The following LMO7 variants were observed in gnomAD, a reference collection of about 807,000 sequenced individuals.
LMO7 encodes the protein LIM domain only protein 7.
LMO7 carries 120 observed loss-of-function variants against 206.5 expected under a neutral mutation model. That is an observed-to-expected ratio of 0.58 (90% confidence interval 0.50 to 0.68). The LOEUF (loss-of-function observed/expected upper bound fraction) is 0.68, where lower values mean the gene tolerates loss of function less well. LMO7 is among the 30% of genes least tolerant of loss of function. LMO7 has a pLI of 0.00. For synonymous variants in LMO7, 706 were observed against 681.5 expected, an observed-to-expected ratio of 1.04 and a Z score of -0.56; for missense variants, 1,959 against 1,957.9, an observed-to-expected ratio of 1.00 and a Z score of -0.01.
chr13:75,641,255 C>T (rs949112362), intron 1 of LMO7, among the ~76,000 whole-genome samples: 1 of 152,214 alleles, frequency 6.6e-6, no homozygotes, highest in Non-Finnish European at 1.5e-5. Context: ...TGGGGTTAAC[C>T]CATCTGCCCA....
intron 2 of LMO7, 104 bp downstream of exon 2, chr13:75,713,356 T>G: frequency 1.4e-6 from 1 of 698,400 alleles, no homozygotes. Context: ...GTCACAGATA[T>G]GTGTTCTTGG....
intron 1 of LMO7, among the ~76,000 whole-genome samples, chr13:75,679,370 A>G (rs1209026863): frequency 1.3e-5 from 2 of 152,222 alleles, no homozygotes; most frequent in African/African-American, 4.8e-5. Flanking sequence ...GAAGGTGCCT[A>G]TACTTCTGTC....
rs1191249152 is a variant in LMO7, at chr13:75,819,531, G to T, written c.2203G>T (p.Asp735Tyr). 1 of 1,591,600 alleles carries T rather than the reference G, an allele frequency of 6.3e-7. No individual in the cohort carries two copies. The highest frequency in any genetic ancestry group is 1.9e-5 in the Admixed American group (1 of 53,428). Residue 735 changes from aspartate to tyrosine, a missense_variant, in exon 13 of 31, where the codon GAC (aspartate) becomes TAC (tyrosine). Physicochemically the swap from Asp to Tyr is radical, Grantham distance 160. Transcript: ENST00000377534. Reference sequence around the variant, plus strand: ...TAAGACGTTTAAGGAAATGCTGCAGGACAGGTAATAATGCTGAATGCACCT... The same window carrying T: ...TAAGACGTTTAAGGAAATGCTGCAGTACAGGTAATAATGCTGAATGCACCT... ...SSKTFKEMLQ[D>Y]RESQNQKSTV...
chr13:75,633,934 G>A (rs1302591973), upstream of LMO7, among the ~76,000 whole-genome samples: 2 of 131,564 alleles, frequency 1.5e-5, no homozygotes, highest in Non-Finnish European at 3.1e-5. Context: ...TGCACCCTCT[G>A]ACTCCCTGGT....
chr13:75,705,834 A>C (rs1283732403), intron 1 of LMO7, among the ~76,000 whole-genome samples: 1 of 152,022 alleles, frequency 6.6e-6, no homozygotes, highest in Non-Finnish European at 1.5e-5. Context: ...ATGTTTTGAG[A>C]TGGTTTGTAG....
chr13:75,774,961 G>A (rs1457250704), intron 4 of LMO7, among the ~76,000 whole-genome samples: 2 of 152,030 alleles, frequency 1.3e-5, no homozygotes, highest in Non-Finnish European at 2.9e-5. Context: ...AAAAAATAAT[G>A]CGAGGTGATA....
chr13:75,852,010 G>A (rs2060538355), intron 27 of LMO7, among the ~76,000 whole-genome samples: 1 of 151,982 alleles, frequency 6.6e-6, no homozygotes, highest in African/African-American at 2.4e-5. Flanking sequence ...TAATATTTTT[G>A]TGAAGGTATC....
intron 3 of LMO7, among the ~76,000 whole-genome samples, chr13:75,740,493 T>TA (rs1376945870): frequency 9.9e-5 from 15 of 152,158 alleles, no homozygotes; most frequent in African/African-American, 3.6e-4. Context: ...AAAATACTGA[T>TA]ATAAGCAACA....
chr13:75,800,365 CTA>C (rs931267926), intron 6 of LMO7, among the ~76,000 whole-genome samples: 3 of 152,186 alleles, frequency 2.0e-5, no homozygotes, highest in Non-Finnish European at 2.9e-5. Context: ...CAATGTTACT[CTA>C]TGAACTTTCA....
At chr13:75,675,377 T>TA (rs2039923513) in intron 1 of LMO7, among the ~76,000 whole-genome samples, 1 of 152,198 alleles carries the variant, frequency 6.6e-6, no homozygotes, top group African/African-American at 2.4e-5. Context: ...CCCGGCCTGT[T>TA]ACAACATATT....
At chr13:75,777,677 G>T (rs1202595042) in intron 4 of LMO7, among the ~76,000 whole-genome samples, 12 of 128,492 alleles carry the variant, frequency 9.3e-5, no homozygotes, top group African/African-American at 3.6e-4. Flanking sequence ...ACAGAGTCTC[G>T]CTCTGTCACC....
At chr13:75,828,281 G>A (rs534443473) in intron 15 of LMO7, among the ~76,000 whole-genome samples, 11 of 152,222 alleles carry the variant, frequency 7.2e-5, no homozygotes, top group South Asian at 4.2e-4. Context: ...TATTATCCCC[G>A]TTTTTACCAA....
intron 3 of LMO7, among the ~76,000 whole-genome samples, chr13:75,748,044 A>G (rs561452679): frequency 1.3e-5 from 2 of 152,196 alleles, no homozygotes; most frequent in Admixed American, 6.5e-5. Flanking sequence ...GGCAGATTAC[A>G]TGAGGCTGCT....
chr13:75,681,728 A>ATG (rs2040527050), intron 1 of LMO7, among the ~76,000 whole-genome samples: 1 of 116,488 alleles, frequency 8.6e-6, no homozygotes, highest in African/African-American at 2.9e-5. Flanking sequence ...GTATATATAT[A>ATG]TATATATATA....
rs768552620 is a variant in LMO7, at chr13:75,856,555, T to G, written c.4820T>G (p.Val1607Gly). The change falls in exon 30 of 31, where the codon GTC becomes GGC. Residue 1607 changes from valine to glycine, a missense_variant. Coordinates refer to ENST00000377534, the MANE Select transcript of LMO7 (RefSeq NM_001306080.2). Reference protein sequence around the residue: ...DLGGSSSGAEVRIRNHQLYCN... With the variant: ...DLGGSSSGAEGRIRNHQLYCN... ...GGAGGCTCTTCCTCAGGAGCTGAAG[T>G]CAGGATCAGAAACCACCAACTGTAC... 1 of 1,612,888 alleles carries G rather than the reference T, an allele frequency of 6.2e-7. No individual in the cohort carries two copies. The highest frequency in any genetic ancestry group is 8.5e-7 in the Non-Finnish European group (1 of 1,179,178).
chr13:75,820,533 A>T (rs2138362108), intron 13 of LMO7, among the ~76,000 whole-genome samples: 1 of 152,328 alleles, frequency 6.6e-6, no homozygotes, highest in East Asian at 1.9e-4. Context: ...TTTTAATTTT[A>T]AAAGTTATAA....
chr13:75,627,229 C>G (rs2034315641), intron 2 of LMO7: 1 of 152,128 alleles, frequency 6.6e-6, no homozygotes, highest in South Asian at 2.1e-4. Context: ...CATTCTTTCA[C>G]TTTCAGTACA....
intron 1 of LMO7, among the ~76,000 whole-genome samples, chr13:75,672,906 T>C (rs1274063991): frequency 2.1e-5 from 3 of 142,760 alleles, no homozygotes; most frequent in African/African-American, 2.5e-5. Flanking sequence ...CTTTGCCTAA[T>C]AGGTGACTTG....
At chr13:75,746,454 G>A (rs2046845502) in intron 3 of LMO7, among the ~76,000 whole-genome samples, 1 of 152,170 alleles carries the variant, frequency 6.6e-6, no homozygotes, top group South Asian at 2.1e-4. Flanking sequence ...CATGGAGAGT[G>A]TGGGAAACCC....
Sources: gnomAD v4.1 joint callset for allele counts (sites outside exome capture counted in the v4.1 genomes callset) on GRCh38, gnomAD v4.1.1 for gene constraint, MANE v1.5 for transcripts, NCBI Gene and HGNC (gene_info 2026-07-23, HGNC 2026-07-21) for gene names.